ATAD3B: variants seen among roughly 807,000 people sequenced by gnomAD.
ATAD3B encodes the protein ATPase family AAA domain-containing protein 3B.
ATAD3B carries 59 observed loss-of-function variants against 70.2 expected under a neutral mutation model. The ratio of observed to expected loss-of-function variants is 0.84; its 90% CI spans 0.68 to 1.04. The LOEUF is 1.04. Among genes scored for constraint, ATAD3B ranks in the 50% least tolerant of loss-of-function variants. ATAD3B has a pLI of 0.00. For missense variants in ATAD3B, 961 were observed against 913.4 expected, an observed-to-expected ratio of 1.05 and a Z score of -0.67; for synonymous variants, 423 against 388.6, an observed-to-expected ratio of 1.09 and a Z score of -1.04.
chr1:1,487,240 C>T (rs372232620), intron 11 of ATAD3B, among the ~76,000 whole-genome samples: 1 of 152,048 alleles, frequency 6.6e-6, no homozygotes, highest in East Asian at 1.9e-4. Context: ...GCTGTAATCC[C>T]AGACTTTCGG....
At chr1:1,502,212 TTC>T (rs1491248873), downstream of ATAD3B, among the ~76,000 whole-genome samples, 1 of 150,256 alleles carries the variant, frequency 6.7e-6, no homozygotes, top group Non-Finnish European at 1.5e-5. Context: ...GGCTTTTTTT[TTC>T]TCTCTCTTTT....
At chr1:1,504,607 G>A in the ATAD3B span, among the ~76,000 whole-genome samples, 6 of 151,930 alleles carry the variant, frequency 3.9e-5, 1 homozygote, top group African/African-American at 7.2e-5. Context: ...CCGAGACCAC[G>A]TCATTGCACT....
intron 8 of ATAD3B, 59 bp from the exon 9 acceptor site, chr1:1,485,723 G>C: frequency 1.9e-6 from 3 of 1,607,544 alleles, no homozygotes; most frequent in Non-Finnish European, 2.6e-6. Flanking sequence ...GTGTGCGTTG[G>C]TGGCTGTTCC....
Position 1,494,605 on chromosome 1 carries a change from A to T in ATAD3B, c.1615-880A>T, listed in dbSNP as rs187169923. ...CGAGGGGTGGGCGCTGGCAGAGGGG[A>T]CGGGCACCACGTGGTCATCCCCATG... On this transcript the variant is annotated intron_variant, in intron 15 of 15. Coordinates refer to ENST00000673477, the MANE Select transcript of ATAD3B (RefSeq NM_031921.6). Among the ~76,000 whole-genome samples the T allele has an allele frequency of 1.4e-4, 21 of 151,690 alleles. No individual in the cohort carries two copies. The East Asian group carries it at 4.1e-3, about 30-fold the overall frequency.
chr1:1,471,848 G>C lies in ATAD3B; in HGVS notation c.-37G>C. 7.9e-7 allele frequency: 1 copy of C among 1,269,748 alleles called. No homozygotes were observed. Among genetic ancestry groups the C allele is most frequent in the Non-Finnish European group, 1.0e-6 (1 of 1,004,004 alleles). 78.7% of individuals were successfully genotyped at this position (1,269,748 alleles called of 1,614,324 possible). A position where few individuals can be genotyped will look rare whatever the true frequency, so the allele number is the denominator to read the frequency against. On this transcript the variant is annotated 5_prime_UTR_variant, in exon 1 of 16. Coordinates refer to ENST00000673477, the MANE Select transcript of ATAD3B (RefSeq NM_031921.6). ...CCGCGCCCGAGTCAGACTCGGGTGG[G>C]GGTCCCGGCGGCGGTAGCGGCGGCG...
At position 1,495,807 on chromosome 1, in the gene ATAD3B, C is replaced by G. The variant is rs200835805; in HGVS notation, c.1937C>G (p.Pro646Arg). The change falls in exon 16 of 16, where the codon CCC becomes CGC. Residue 646 changes from proline (P) to arginine (R), a missense_variant. Coordinates refer to ENST00000673477, the MANE Select transcript of ATAD3B (RefSeq NM_031921.6). ...CGGCCGTTCTGCCCCCCAGGGCACC[C>G]CCTGTTGTAGGCACTGGCTAGGGAG... ...GGRPFCPPGH[P>R]LL The G allele has an allele frequency of 6.3e-7, 1 of 1,584,112 alleles. No individual in the cohort carries two copies. The highest frequency in any genetic ancestry group is 1.3e-5 in the African/African-American group (1 of 74,502).
rs1557436460 is a variant in ATAD3B, at chr1:1,496,097, C to T, written c.*280C>T. 3.8e-5 allele frequency: 45 copies of T among 1,195,880 alleles called. 1 individual carries two copies. The East Asian group carries it at 1.7e-3, about 45-fold the overall frequency. The allele number at this position is 1,195,880 out of a possible 1,614,324, so 74.1% of individuals were successfully genotyped here. ...CCTGCTTCCAGCCATGGCCAGGGGC[C>T]ACGGAACCCGGCAGGGGTGTCTGAG... On this transcript the variant is annotated 3_prime_UTR_variant, in exon 16 of 16. Coordinates refer to ENST00000673477, the MANE Select transcript of ATAD3B (RefSeq NM_031921.6).
Position 1,472,989 on chromosome 1 carries a change from AT to A in ATAD3B, c.205+908del, listed in dbSNP as rs996575870. On this transcript the variant is annotated intron_variant, in intron 1 of 15. Transcript: ENST00000673477. ...AGCCGCGCAGCACCACGCCCGGCTAATTTTTTTTGTATCTTTAGTAGAGACG... is the reference window on the plus strand; with the variant it reads ...AGCCGCGCAGCACCACGCCCGGCTAATTTTTTTGTATCTTTAGTAGAGACG... Among the ~76,000 whole-genome samples, 98 of 151,034 alleles carry A rather than the reference AT, an allele frequency of 6.5e-4. 2 individuals carry two copies. The highest frequency in any genetic ancestry group is 2.2e-3 in the African/African-American group (91 of 41,138).
chr1:1,490,478 T>C (rs776604626), intron 14 of ATAD3B, 54 bp downstream of exon 14: 1 of 1,610,908 alleles, frequency 6.2e-7, no homozygotes, highest in Admixed American at 1.7e-5. Context: ...GGCATGGGTG[T>C]AGGCCAGCTG....
rs149962908 is a variant in ATAD3B, at chr1:1,485,091, G to A, written c.826G>A (p.Glu276Lys). 2.0e-5 allele frequency: 33 copies of A among 1,610,384 alleles called. No individual in the cohort carries two copies. Among genetic ancestry groups the A allele is most frequent in the East Asian group, 4.5e-5 (2 of 44,870 alleles). The stretch of plus-strand genomic sequence containing the variant: ...GACAGCCGTCACTGGCCGCTTCATC[G>A]AGGCTCGGCTGGGGAAGCCGTCCCT... ...NATAVTGRFI[E>K]ARLGKPSLVR... is the part of the protein sequence containing the mutation. The change falls in exon 8 of 16, where the codon GAG (glutamate) becomes AAG (lysine). Residue 276 changes from glutamate to lysine, a missense_variant. By Grantham distance (56) the Glu-to-Lys change is moderately conservative. Coordinates refer to ENST00000673477, the MANE Select transcript of ATAD3B (RefSeq NM_031921.6).
In ATAD3B at chr1:1,495,591, C is replaced by T. The variant is rs147286181; in HGVS notation, c.1721C>T (p.Ala574Val). 3.8e-3 allele frequency: 6,183 copies of T among 1,613,164 alleles called. 266 individuals carry two copies. The African/African-American group carries it at 0.072, about 19-fold the overall frequency. The change falls in exon 16 of 16, where the codon GCG becomes GTG. Residue 574 changes from alanine (A) to valine (V), a missense_variant. This residue lies in a region of ATAD3B where 417 missense variants were observed against 335.0 expected (regional missense o/e 1.24). Coordinates refer to ENST00000673477, the MANE Select transcript of ATAD3B (RefSeq NM_031921.6). Reference protein sequence around the residue: ...QYRQKMRWLKAEGPGRGVEHP... With the variant: ...QYRQKMRWLKVEGPGRGVEHP... The stretch of plus-strand genomic sequence containing the variant: ...CGACAGAAGATGCGCTGGCTGAAGG[C>T]GGAGGGGCCTGGGCGCGGGGTCGAG...
chr1:1,474,667 T>C (rs1238549316), intron 1 of ATAD3B, among the ~76,000 whole-genome samples: 2 of 151,770 alleles, frequency 1.3e-5, no homozygotes, highest in Admixed American at 6.6e-5. Context: ...ACCTGGCTAA[T>C]TTTTGTGTTT....
chr1:1,507,913 G>A, the ATAD3B span, among the ~76,000 whole-genome samples: 4 of 152,232 alleles, frequency 2.6e-5, no homozygotes, highest in Non-Finnish European at 4.4e-5. Context: ...AACGTCATGT[G>A]TCACTGTTGG....
At chr1:1,472,878 G>A (rs1295337240) in intron 1 of ATAD3B, among the ~76,000 whole-genome samples, 4 of 151,948 alleles carry the variant, frequency 2.6e-5, no homozygotes, top group Non-Finnish European at 5.9e-5. Flanking sequence ...CTGTCGCCGA[G>A]GCTGGAGTGC....
chr1:1,474,187 T>C (rs1357083543), intron 1 of ATAD3B, among the ~76,000 whole-genome samples: 1 of 145,406 alleles, frequency 6.9e-6, no homozygotes, highest in African/African-American at 2.7e-5. Context: ...TTTTCTTTTT[T>C]CTTTTCTTTT....
At chr1:1,497,963 T>G (rs944709153), downstream of ATAD3B, 4 of 150,718 alleles carry the variant, frequency 2.7e-5, no homozygotes, top group Admixed American at 1.3e-4. Flanking sequence ...CTCATGAGTT[T>G]GAGAACAGCA....
rs771860086 is a variant in ATAD3B, at chr1:1,486,194, C to G, written c.1048C>G (p.Leu350Val). 1 of 1,613,184 alleles carries G rather than the reference C, an allele frequency of 6.2e-7. No individual in the cohort carries two copies. Among genetic ancestry groups the G allele is most frequent in the Non-Finnish European group, 8.5e-7 (1 of 1,179,660 alleles). ...KNRGLYRHIL[L>V]YGPPGTGKTL... ...CCGGGGCCTGTACAGGCACATCCTG[C>G]TGTATGGGCCACCAGGCACCGGGAA... The change falls in exon 10 of 16, where the codon CTG becomes GTG. Residue 350 changes from leucine to valine, a missense_variant. Coordinates refer to ENST00000673477, the MANE Select transcript of ATAD3B (RefSeq NM_031921.6).
downstream of ATAD3B, among the ~76,000 whole-genome samples, chr1:1,499,347 C>G (rs1361049694): frequency 1.6e-5 from 2 of 123,520 alleles, no homozygotes; most frequent in Non-Finnish European, 3.2e-5. Flanking sequence ...AGTGATTCTT[C>G]TGCCTCAGCC....
At chr1:1,477,462 G>T (rs1364392263) in intron 2 of ATAD3B, 112 bp downstream of exon 2, 2 of 1,541,504 alleles carry the variant, frequency 1.3e-6, no homozygotes, top group African/African-American at 2.7e-5. Context: ...ATGGGCAGCA[G>T]TGGGGCCAGG....
Sources: allele counts gnomAD v4.1 joint callset (sites outside exome capture counted in the v4.1 genomes callset), GRCh38; gene constraint gnomAD v4.1.1; regional missense constraint gnomAD v4.1.1; transcripts MANE v1.5; gene names NCBI Gene and HGNC (gene_info 2026-07-23, HGNC 2026-07-21).